Variants in EDA observed in about 807,000 individuals in gnomAD.
EDA encodes ectodysplasin A, also known as ectodysplasin-A.
Under a neutral mutation model 23.6 loss-of-function variants are expected in EDA, and 2 were observed. The ratio of observed to expected loss-of-function variants is 0.08; its 90% CI spans 0.03 to 0.27. The LOEUF (loss-of-function observed/expected upper bound fraction) is 0.27. Among genes scored for constraint, EDA ranks in the 10% least tolerant of loss-of-function variants. The pLI, the probability that EDA is intolerant of heterozygous loss-of-function variation, is 1.00. For missense variants in EDA, 229 were observed against 324.2 expected (o/e 0.71, Z 2.26); for synonymous variants, 131 against 132.0 (o/e 0.99, Z 0.05).
In EDA at chrX:70,028,733, G is replaced by A. The variant is rs1351994095; in HGVS notation, c.706+697G>A. 5.3e-5 allele frequency among the ~76,000 whole-genome samples: 6 copies of A among 112,902 alleles called. No homozygotes were observed. The East Asian group carries it at 1.4e-3, about 26-fold the overall frequency. Reference sequence around the variant, plus strand: ...TCTCCTTAAGCCCTGAAGGGCATCCGAAAGGTATGAATGCAGATCCAAACC... The same window carrying A: ...TCTCCTTAAGCCCTGAAGGGCATCCAAAAGGTATGAATGCAGATCCAAACC... On this transcript the variant is annotated intron_variant, in intron 4 of 7. Coordinates refer to ENST00000374552, the MANE Select transcript of EDA (RefSeq NM_001399.5).
intron 1 of EDA, among the ~76,000 whole-genome samples, chrX:69,662,147 A>G (rs748338177): frequency 9.0e-6 from 1 of 111,624 alleles, no homozygotes; most frequent in African/African-American, 3.3e-5. Context: ...GCCCCCACCC[A>G]TAGTAATCAC....
At chrX:69,781,302 T>G (rs1318769052) in intron 1 of EDA, among the ~76,000 whole-genome samples, 1 of 111,489 alleles carries the variant, frequency 9.0e-6, no homozygotes, top group Non-Finnish European at 1.9e-5. Context: ...TCTTTTAACC[T>G]TATGAGGAAC....
At chrX:69,634,210 T>C (rs999642156) in intron 1 of EDA, among the ~76,000 whole-genome samples, 4 of 112,612 alleles carry the variant, frequency 3.6e-5, no homozygotes, top group African/African-American at 9.7e-5. Flanking sequence ...TATATGCCTT[T>C]TAATTTTTGA....
At chrX:69,830,768 A>G (rs958326212) in intron 1 of EDA, among the ~76,000 whole-genome samples, 10 of 111,866 alleles carry the variant, frequency 8.9e-5, no homozygotes, top group African/African-American at 3.2e-4. Flanking sequence ...GTGACATAGA[A>G]TGTTTCCGAA....
At chrX:69,968,101 T>A (rs1424456181) in intron 2 of EDA, among the ~76,000 whole-genome samples, 1 of 111,743 alleles carries the variant, frequency 8.9e-6, no homozygotes, top group Non-Finnish European at 1.9e-5. Flanking sequence ...GGGTTTTTTT[T>A]AAGCTCTGGA....
At chrX:69,772,361 C>G (rs2428152) in intron 1 of EDA, among the ~76,000 whole-genome samples, 35,109 of 110,862 alleles carry the variant, frequency 0.32, 4,878 homozygotes, top group Middle Eastern at 0.56. Context: ...GTTGAACCAG[C>G]CTTGCATACC....
chrX:69,702,674 AT>A (rs2011568725), intron 1 of EDA, among the ~76,000 whole-genome samples: 1 of 110,768 alleles, frequency 9.0e-6, no homozygotes, highest in Non-Finnish European at 1.9e-5. Flanking sequence ...GAGAAAGGCG[AT>A]CAGGGCGGCG....
chrX:70,029,645 C>T, intron 5 of EDA, 107 bp downstream of exon 5: 1 of 843,976 alleles, frequency 1.2e-6, no homozygotes, highest in Non-Finnish European at 1.8e-6. Flanking sequence ...TTCATGAGAA[C>T]ACCCCGGAGA....
chrX:69,709,411 G>C (rs970470582), intron 1 of EDA, among the ~76,000 whole-genome samples: 1 of 111,704 alleles, frequency 9.0e-6, no homozygotes, highest in Non-Finnish European at 1.9e-5. Context: ...TCTTGAGTAT[G>C]GTCTTTGAAA....
intron 1 of EDA, among the ~76,000 whole-genome samples, chrX:69,761,126 G>T (rs763120511): frequency 9.0e-6 from 1 of 110,989 alleles, no homozygotes; most frequent in Non-Finnish European, 1.9e-5. Context: ...ATGAAGAAAA[G>T]CTATAAGAGA....
chrX:69,949,511 C>G (rs1426270137), intron 1 of EDA, among the ~76,000 whole-genome samples: 1 of 111,479 alleles, frequency 9.0e-6, no homozygotes, highest in Non-Finnish European at 1.9e-5. Context: ...ACACTCATGC[C>G]TAGTGATTCT....
intron 1 of EDA, among the ~76,000 whole-genome samples, chrX:69,938,168 G>A (rs955387061): frequency 2.7e-5 from 3 of 111,463 alleles, no homozygotes; most frequent in South Asian, 3.8e-4. Context: ...GACAGCACCC[G>A]GCGGCAGTGG....
intron 1 of EDA, among the ~76,000 whole-genome samples, chrX:69,741,477 C>T (rs1267630350): frequency 1.8e-5 from 2 of 111,802 alleles, no homozygotes; most frequent in African/African-American, 3.3e-5. Context: ...CTTATGTGCA[C>T]AATCACCTTG....
intron 1 of EDA, among the ~76,000 whole-genome samples, chrX:69,718,361 T>G (rs1175740594): frequency 1.8e-5 from 2 of 111,385 alleles, no homozygotes; most frequent in Admixed American, 9.6e-5. Context: ...GAACAACTAT[T>G]CTTGCCTTGT....
intron 1 of EDA, among the ~76,000 whole-genome samples, chrX:69,709,274 A>G (rs2011869646): frequency 8.9e-6 from 1 of 112,366 alleles, no homozygotes; most frequent in African/African-American, 3.2e-5. Flanking sequence ...GCTTCAGACC[A>G]TCTGCAGATT....
chrX:69,782,851 C>A (rs2014996802), intron 1 of EDA, among the ~76,000 whole-genome samples: 1 of 111,683 alleles, frequency 9.0e-6, no homozygotes, highest in South Asian at 3.7e-4. Flanking sequence ...TGTGTATACA[C>A]CCTCAAAATG....
intron 1 of EDA, among the ~76,000 whole-genome samples, chrX:69,753,054 G>T (rs1281687313): frequency 9.1e-6 from 1 of 110,386 alleles, no homozygotes; most frequent in African/African-American, 3.3e-5. Flanking sequence ...TTTTTTGAAG[G>T]GTTTTTTGTG....
intron 1 of EDA, among the ~76,000 whole-genome samples, chrX:69,694,764 T>C (rs2011276468): frequency 8.9e-6 from 1 of 112,417 alleles, no homozygotes; most frequent in African/African-American, 3.2e-5. Context: ...GATTTCTATG[T>C]ATTTTATACA....
At position 69,968,546 on chromosome X, in the gene EDA, A is replaced by C. The variant is rs185531480; in HGVS notation, c.502+11414A>C. On this transcript the variant is annotated intron_variant, in intron 2 of 7. Coordinates refer to ENST00000374552, the MANE Select transcript of EDA (RefSeq NM_001399.5). Reference sequence around the variant, plus strand: ...GGGGCCTTCAAATGCCCATTCAGGTACTTAATAAGTGGCCTTTCAATCCCA... The same window carrying C: ...GGGGCCTTCAAATGCCCATTCAGGTCCTTAATAAGTGGCCTTTCAATCCCA... Among the ~76,000 whole-genome samples the C allele has an allele frequency of 3.6e-4, 40 of 111,999 alleles. No individual in the cohort carries two copies. In the East Asian group the frequency reaches 5.4e-3, roughly 15 times the overall value.
Sources: allele counts gnomAD v4.1 joint callset (sites outside exome capture counted in the v4.1 genomes callset), GRCh38; gene constraint gnomAD v4.1.1; transcripts MANE v1.5; gene names NCBI Gene and HGNC (gene_info 2026-07-23, HGNC 2026-07-21).